Variants in PLS1 observed in about 807,000 individuals in gnomAD.
PLS1 encodes the protein plastin 1.
PLS1 carries 32 observed loss-of-function variants against 73.7 expected under a neutral mutation model. The observed-to-expected ratio is 0.43, with a 90% CI of 0.33 to 0.58. The LOEUF (loss-of-function observed/expected upper bound fraction) is 0.58. Ranked by LOEUF, PLS1 falls within the 20% of genes least tolerant of loss-of-function variation. The pLI is 0.04. For missense variants in PLS1, 633 were observed against 740.5 expected, an observed-to-expected ratio of 0.85 and a Z score of 1.68; for synonymous variants, 217 against 261.3, an observed-to-expected ratio of 0.83 and a Z score of 1.63.
intron 1 of PLS1, among the ~76,000 whole-genome samples, chr3:142,637,392 AG>A (rs938279961): frequency 6.6e-6 from 1 of 152,198 alleles, no homozygotes; most frequent in Non-Finnish European, 1.5e-5. Context: ...GACGGGAAGG[AG>A]GGATTACCAA....
intron 1 of PLS1, among the ~76,000 whole-genome samples, chr3:142,662,842 C>T (rs2107823366): frequency 6.6e-6 from 1 of 152,144 alleles, no homozygotes; most frequent in East Asian, 1.9e-4. Flanking sequence ...GTGTTAGTAC[C>T]AACAAAAAGG....
At chr3:142,641,454 T>G (rs2036839187) in intron 1 of PLS1, among the ~76,000 whole-genome samples, 1 of 151,476 alleles carries the variant, frequency 6.6e-6, no homozygotes, top group East Asian at 1.9e-4. Context: ...ATATATCCTG[T>G]TCTTTTTAAA....
intron 10 of PLS1, among the ~76,000 whole-genome samples, chr3:142,693,082 G>A (rs953447629): frequency 6.6e-6 from 1 of 152,086 alleles, no homozygotes; most frequent in African/African-American, 2.4e-5. Context: ...ATAAAGTGGT[G>A]GTAGCAGATA....
chr3:142,675,353 T>C (rs538078359), intron 4 of PLS1, among the ~76,000 whole-genome samples: 23 of 151,978 alleles, frequency 1.5e-4, no homozygotes, highest in South Asian at 8.3e-4. Context: ...TCTCTCCTAA[T>C]AGATCAGTTT....
chr3:142,680,037 T>C (rs536593040), intron 6 of PLS1, among the ~76,000 whole-genome samples: 20 of 152,296 alleles, frequency 1.3e-4, no homozygotes, highest in Admixed American at 1.0e-3. Flanking sequence ...TTTGAAGCAA[T>C]TGTGAATGGG....
At chr3:142,641,596 T>A (rs1298840285) in intron 1 of PLS1, among the ~76,000 whole-genome samples, 1 of 152,148 alleles carries the variant, frequency 6.6e-6, no homozygotes, top group African/African-American at 2.4e-5. Flanking sequence ...CTTACTTTCA[T>A]GCTGATGGAT....
In PLS1 at chr3:142,676,212, T is replaced by G; in HGVS notation, c.420T>G (p.Pro140=). The G allele has an allele frequency of 1.9e-6, 3 of 1,613,214 alleles. No homozygotes were observed. The highest frequency in any genetic ancestry group is 2.5e-6 in the Non-Finnish European group (3 of 1,179,124). ...TAAACAAAGCCCTGGAGAATGACCC[T>G]GACTGTAAGCATCTTATACCCATGA... The part of the protein sequence containing the change: ...NWINKALEND[P]DCKHLIPMNP... Residue 140 remains proline (P), a synonymous_variant, in exon 5 of 16, where the codon CCT becomes CCG. Coordinates refer to ENST00000457734, the MANE Select transcript of PLS1 (RefSeq NM_001145319.2).
At chr3:142,622,562 T>C (rs551820630) in intron 1 of PLS1, among the ~76,000 whole-genome samples, 15 of 152,226 alleles carry the variant, frequency 9.9e-5, no homozygotes, top group Non-Finnish European at 2.1e-4. Context: ...TCTTTCACTT[T>C]ATGAAGCAGT....
chr3:142,633,187 A>G (rs2036603319), intron 1 of PLS1, among the ~76,000 whole-genome samples: 1 of 152,254 alleles, frequency 6.6e-6, no homozygotes, highest in Admixed American at 6.5e-5. Flanking sequence ...AGTCGAAATC[A>G]CAGAAACAAA....
At chr3:142,659,924 T>C (rs1203517477) in intron 1 of PLS1, among the ~76,000 whole-genome samples, 1 of 152,168 alleles carries the variant, frequency 6.6e-6, no homozygotes, top group Admixed American at 6.5e-5. Flanking sequence ...AATTAAAGCC[T>C]CTTTTTTCCT....
At chr3:142,636,081 G>C (rs1375175741) in intron 1 of PLS1, among the ~76,000 whole-genome samples, 2 of 151,716 alleles carry the variant, frequency 1.3e-5, no homozygotes, top group African/African-American at 4.8e-5. Flanking sequence ...TGTGGCAATA[G>C]GGTTCTCACT....
At chr3:142,665,783 A>G (rs2037468925) in intron 2 of PLS1, among the ~76,000 whole-genome samples, 1 of 149,982 alleles carries the variant, frequency 6.7e-6, no homozygotes, top group Non-Finnish European at 1.5e-5. Context: ...TATTGAATAA[A>G]CAATTCACTG....
At chr3:142,614,623 G>A (rs2036182347) in intron 1 of PLS1, among the ~76,000 whole-genome samples, 1 of 152,176 alleles carries the variant, frequency 6.6e-6, no homozygotes, top group African/African-American at 2.4e-5. Context: ...ATGAGCCACA[G>A]AGGACATGTG....
At chr3:142,636,760 A>G (rs1560042038) in intron 1 of PLS1, among the ~76,000 whole-genome samples, 1 of 152,240 alleles carries the variant, frequency 6.6e-6, no homozygotes, top group Non-Finnish European at 1.5e-5. Context: ...TAATGGGCAA[A>G]AGATTTGGAC....
At chr3:142,645,351 C>T (rs1167318539) in intron 1 of PLS1, 8 of 152,194 alleles carry the variant, frequency 5.3e-5, no homozygotes, top group Admixed American at 5.2e-4. Flanking sequence ...AGACTTGCAA[C>T]TCTGAAAAGC....
intron 1 of PLS1, among the ~76,000 whole-genome samples, chr3:142,600,891 TATATATATATATATATATA>T (rs2035902635): frequency 1.8e-4 from 4 of 22,084 alleles, no homozygotes; most frequent in African/African-American, 1.1e-3. Flanking sequence ...TATATATATA[TATATATATATATATATATA>T]TATATATTTT....
rs2036375569 is a variant in PLS1 at position 142,624,356 on chromosome 3, G to A, written c.-37+27847G>A. On this transcript the variant is annotated intron_variant, in intron 1 of 15. Transcript: ENST00000457734. Reference sequence around the variant, plus strand: ...AAGTGAGCAAGTTGCTCTTTAGTGAGCATTTTTAATGGTTTCTGAGGCTGG... The same window carrying A: ...AAGTGAGCAAGTTGCTCTTTAGTGAACATTTTTAATGGTTTCTGAGGCTGG... Among the ~76,000 whole-genome samples the A allele has an allele frequency of 2.0e-5, 3 of 152,136 alleles. No homozygotes were observed. In the South Asian group the frequency reaches 6.2e-4, roughly 32 times the overall value.
intron 1 of PLS1, among the ~76,000 whole-genome samples, chr3:142,637,206 T>C (rs1334785090): frequency 6.6e-6 from 1 of 152,074 alleles, no homozygotes; most frequent in Non-Finnish European, 1.5e-5. Flanking sequence ...TACTCAGAAA[T>C]ATAAAGGAAT....
At chr3:142,692,323 T>A (rs2038101300) in intron 10 of PLS1, among the ~76,000 whole-genome samples, 1 of 152,146 alleles carries the variant, frequency 6.6e-6, no homozygotes, top group African/African-American at 2.4e-5. Context: ...ATCTTGTATA[T>A]CAGCAATTAA....
Sources: allele counts gnomAD v4.1 joint callset (sites outside exome capture counted in the v4.1 genomes callset), GRCh38; gene constraint gnomAD v4.1.1; transcripts MANE v1.5; gene names NCBI Gene and HGNC (gene_info 2026-07-23, HGNC 2026-07-21).